LRRC53: variants seen among roughly 807,000 people sequenced by gnomAD.
LRRC53 encodes the protein leucine rich repeat containing 53.
A neutral mutation model predicts 13.6 loss-of-function variants in LRRC53; 25 were observed. The observed-to-expected ratio is 1.83, with a 90% CI of 1.34 to 2.56. LRRC53 has a LOEUF of 2.56. Ranked by LOEUF, LRRC53 falls within the 30% of genes most tolerant of loss-of-function variation. The pLI, the probability that LRRC53 is intolerant of heterozygous loss-of-function variation, is 0.00. For synonymous variants in LRRC53, 204 were observed against 109.8 expected, an observed-to-expected ratio of 1.86 and a Z score of -5.37; for missense variants, 527 against 275.8, an observed-to-expected ratio of 1.91 and a Z score of -6.45.
Position 74,480,664 on chromosome 1 carries a change from G to C in LRRC53, c.393C>G (p.Ser131Arg), listed in dbSNP as rs199845398. ...TLRGSWFRNT[S>R]GLTRLQLDGN... ...CATCCAGCTGGAGCCGGGTCAGGCC[G>C]CTTGTGTTTCGGAACCAAGACCCTC... The change falls in exon 3 of 5, where the codon AGC becomes AGG. Residue 131 changes from serine (S) to arginine (R), a missense_variant. Ser to Arg is a moderately radical substitution (Grantham distance 110, BLOSUM62 -1). Coordinates refer to ENST00000294635, the MANE Select transcript of LRRC53 (RefSeq NM_001382280.1). 7.0e-6 allele frequency: 5 copies of C among 717,250 alleles called. No individual in the cohort carries two copies. Among genetic ancestry groups the C allele is most frequent in the Admixed American group, 2.0e-5 (1 of 50,024 alleles). The allele number at this position is 717,250 out of a possible 1,614,324, so 44.4% of individuals were successfully genotyped here.
intron 3 of LRRC53, among the ~76,000 whole-genome samples, chr1:74,477,019 A>G (rs1480535479): frequency 6.6e-6 from 1 of 152,152 alleles, no homozygotes; most frequent in Non-Finnish European, 1.5e-5. Flanking sequence ...ACTCTTGGAA[A>G]GTGCTATAAC....
chr1:74,503,353 C>T (rs1669730742), intron 1 of LRRC53, among the ~76,000 whole-genome samples: 1 of 152,186 alleles, frequency 6.6e-6, no homozygotes, highest in South Asian at 2.1e-4. Context: ...TTATATTTTA[C>T]TTATTCAAAG....
chr1:74,526,188 A>T, the LRRC53 span, among the ~76,000 whole-genome samples: 1 of 152,224 alleles, frequency 6.6e-6, no homozygotes, highest in East Asian at 1.9e-4. Context: ...TGTCATAAAG[A>T]ACAAAGGAAC....
At chr1:74,486,003 T>A (rs918986446) in intron 1 of LRRC53, among the ~76,000 whole-genome samples, 1 of 152,140 alleles carries the variant, frequency 6.6e-6, no homozygotes, top group Admixed American at 6.6e-5. Context: ...TATACTGGAC[T>A]CCTGACCAGT....
At chr1:74,511,195 A>ATTTT (rs113121147) in intron 1 of LRRC53, among the ~76,000 whole-genome samples, 1 of 144,300 alleles carries the variant, frequency 6.9e-6, no homozygotes, top group African/African-American at 2.5e-5. Context: ...TGCCCGGCCT[A>ATTTT]TTTTTTTTTT....
At chr1:74,502,220 C>T (rs1669669304) in intron 1 of LRRC53, among the ~76,000 whole-genome samples, 1 of 152,144 alleles carries the variant, frequency 6.6e-6, no homozygotes, top group South Asian at 2.1e-4. Flanking sequence ...TTGTAAACAT[C>T]ATGCAGGCAT....
chr1:74,533,567 T>C, the LRRC53 span, among the ~76,000 whole-genome samples: 363 of 152,318 alleles, frequency 2.4e-3, no homozygotes, highest in South Asian at 5.8e-3. Context: ...ACTGGGTATA[T>C]ACCCAAAGGA....
chr1:74,533,686 G>T, the LRRC53 span, among the ~76,000 whole-genome samples: 1,215 of 149,548 alleles, frequency 8.1e-3, 18 homozygotes, highest in African/African-American at 0.028. Context: ...TGATAGACTG[G>T]ATTAAGAAAA....
intron 1 of LRRC53, among the ~76,000 whole-genome samples, chr1:74,502,764 A>G (rs563593722): frequency 2.9e-4 from 44 of 152,308 alleles, no homozygotes; most frequent in African/African-American, 1.0e-3. Context: ...AAGAAACACT[A>G]TAAATCACCT....
chr1:74,524,949 G>T, the LRRC53 span, among the ~76,000 whole-genome samples: 2 of 152,218 alleles, frequency 1.3e-5, 1 homozygote, highest in South Asian at 4.1e-4. Flanking sequence ...GGAAAGAGAG[G>T]TAGCCAATTA....
chr1:74,481,731 C>CAA (rs1178586179), intron 2 of LRRC53, among the ~76,000 whole-genome samples: 2 of 152,166 alleles, frequency 1.3e-5, no homozygotes, highest in Admixed American at 6.5e-5. Context: ...CATTAGAAAT[C>CAA]AAAGCATTTT....
chr1:74,482,975 A>G (rs1668578922), intron 2 of LRRC53, among the ~76,000 whole-genome samples: 1 of 152,228 alleles, frequency 6.6e-6, no homozygotes, highest in Non-Finnish European at 1.5e-5. Context: ...GTACAAAGAT[A>G]TTAAAGTGAT....
At chr1:74,501,474 G>GTGTTTGTTTTGTT (rs1669625261) in intron 1 of LRRC53, among the ~76,000 whole-genome samples, 1 of 149,820 alleles carries the variant, frequency 6.7e-6, no homozygotes, top group South Asian at 2.1e-4. Flanking sequence ...TTTTTGTTTT[G>GTGTTTGTTTTGTT]TGTTTGTTTG....
At chr1:74,518,797 T>G in the LRRC53 span, among the ~76,000 whole-genome samples, 1 of 152,020 alleles carries the variant, frequency 6.6e-6, no homozygotes, top group Non-Finnish European at 1.5e-5. Flanking sequence ...AAATATGGAT[T>G]ATTTAAGGAG....
chr1:74,489,437 G>C (rs924366045), intron 1 of LRRC53, among the ~76,000 whole-genome samples: 1 of 152,186 alleles, frequency 6.6e-6, no homozygotes, highest in African/African-American at 2.4e-5. Flanking sequence ...CAAAGGCAAA[G>C]TCAGAGTGAA....
chr1:74,516,486 G>C (rs186208413), upstream of LRRC53, among the ~76,000 whole-genome samples: 49 of 152,318 alleles, frequency 3.2e-4, no homozygotes, highest in Non-Finnish European at 5.9e-4. Context: ...GTGGGGCTTA[G>C]TATGTGAGAA....
At chr1:74,534,012 T>G in the LRRC53 span, among the ~76,000 whole-genome samples, 1 of 152,212 alleles carries the variant, frequency 6.6e-6, no homozygotes, top group Admixed American at 6.6e-5. Context: ...AGCCTGACTT[T>G]GCATCCCCAA....
chr1:74,474,422 C>T (rs1396054170), intron 4 of LRRC53, among the ~76,000 whole-genome samples: 5 of 152,062 alleles, frequency 3.3e-5, no homozygotes, highest in South Asian at 2.1e-4. Flanking sequence ...TTATAACATA[C>T]GTGAAATAAC....
intron 1 of LRRC53, chr1:74,492,400 A>G: frequency 8.4e-7 from 1 of 1,197,428 alleles, no homozygotes; most frequent in Non-Finnish European, 1.1e-6. Context: ...TTTTCAGCCC[A>G]TTTTTCTTAC....
Sources: gnomAD v4.1 joint callset for allele counts (sites outside exome capture counted in the v4.1 genomes callset) on GRCh38, gnomAD v4.1.1 for gene constraint, MANE v1.5 for transcripts, NCBI Gene and HGNC (gene_info 2026-07-23, HGNC 2026-07-21) for gene names.